The following RIMS2 variants were observed in gnomAD, a reference collection of about 807,000 sequenced individuals.
RIMS2 encodes the protein regulating synaptic membrane exocytosis 2.
RIMS2 carries 59 observed loss-of-function variants against 174.4 expected under a neutral mutation model. That is an observed-to-expected ratio of 0.34 (90% confidence interval 0.27 to 0.42). The LOEUF (loss-of-function observed/expected upper bound fraction) is 0.42, where lower values mean the gene tolerates loss of function less well. RIMS2 is among the 10% of genes least tolerant of loss of function. The probability of loss-of-function intolerance (pLI) is 1.00; values close to 1 mark genes in which losing one functional copy is unlikely to be tolerated. For missense variants in RIMS2, 1,620 were observed against 1,666.3 expected, an observed-to-expected ratio of 0.97 and a Z score of 0.48; for synonymous variants, 606 against 572.5, an observed-to-expected ratio of 1.06 and a Z score of -0.84.
chr8:103,537,192 C>G (rs1397117174), intron 1 of RIMS2, among the ~76,000 whole-genome samples: 1 of 152,132 alleles, frequency 6.6e-6, no homozygotes, highest in African/African-American at 2.4e-5. Flanking sequence ...ATATAAAGCA[C>G]TTGGCTACAT....
At chr8:103,561,790 G>C (rs2091632812) in intron 1 of RIMS2, among the ~76,000 whole-genome samples, 1 of 152,060 alleles carries the variant, frequency 6.6e-6, no homozygotes, top group African/African-American at 2.4e-5. Context: ...TTTTCATTCG[G>C]GTGATAAAGA....
intron 1 of RIMS2, 102 bp from the exon 2 acceptor site, chr8:103,652,103 T>C: frequency 2.3e-6 from 1 of 440,906 alleles, no homozygotes; most frequent in South Asian, 2.2e-5. Flanking sequence ...TCTTTCTATA[T>C]AAAATTCTTA....
intron 1 of RIMS2, among the ~76,000 whole-genome samples, chr8:103,666,225 T>C (rs74869978): frequency 0.065 from 9,946 of 152,252 alleles, 402 homozygotes; most frequent in South Asian, 0.088. Context: ...AGTTGAACAG[T>C]TGGTCACCTG....
chr8:103,857,946 T>C (rs1369858085), intron 3 of RIMS2, among the ~76,000 whole-genome samples: 1 of 152,196 alleles, frequency 6.6e-6, no homozygotes, highest in East Asian at 1.9e-4. Flanking sequence ...TTGACCTTTC[T>C]CCTTCCTAAG....
At chr8:103,812,991 G>T (rs3110468) in intron 3 of RIMS2, among the ~76,000 whole-genome samples, 46,087 of 152,114 alleles carry the variant, frequency 0.3, 8,185 homozygotes, top group East Asian at 0.77. Context: ...CAATTATATA[G>T]ATGGGACTAC....
intron 1 of RIMS2, among the ~76,000 whole-genome samples, chr8:103,539,738 G>GA (rs33942170): frequency 0.18 from 27,698 of 152,136 alleles, 2,773 homozygotes; most frequent in African/African-American, 0.26. Context: ...AGTTGCTTCA[G>GA]AAAAGGAAAT....
At chr8:103,697,614 G>C (rs1482476596) in intron 2 of RIMS2, among the ~76,000 whole-genome samples, 1 of 151,904 alleles carries the variant, frequency 6.6e-6, no homozygotes, top group African/African-American at 2.4e-5. Context: ...TATAGTCCTA[G>C]CTACTCAGGA....
At chr8:103,599,452 T>C (rs1341590428) in intron 1 of RIMS2, among the ~76,000 whole-genome samples, 1 of 149,432 alleles carries the variant, frequency 6.7e-6, no homozygotes, top group Non-Finnish European at 1.5e-5. Flanking sequence ...ATATTTTTTT[T>C]CTTTGAGACA....
rs554850326 is a variant in RIMS2 at position 103,591,178 on chromosome 8, A to G, written c.176+90116A>G. ...GTGACTAAAGATGTTAAGCTTTTCC[A>G]TGTGCTTATTGATCATTCATACATA... On this transcript the variant is annotated intron_variant, in intron 1 of 23. Transcript: ENST00000504942. Among the ~76,000 whole-genome samples the G allele has an allele frequency of 5.3e-5, 8 of 151,168 alleles. No individual in the cohort carries two copies. The East Asian group carries it at 1.5e-3, about 29-fold the overall frequency.
chr8:103,663,667 T>C (rs1214166653), intron 1 of RIMS2, among the ~76,000 whole-genome samples: 2 of 152,166 alleles, frequency 1.3e-5, no homozygotes, highest in African/African-American at 4.8e-5. Context: ...TCCATGCTCA[T>C]GGATAGGAAG....
At chr8:103,872,017 T>A (rs1406043801) in intron 3 of RIMS2, among the ~76,000 whole-genome samples, 1 of 152,218 alleles carries the variant, frequency 6.6e-6, no homozygotes, top group Non-Finnish European at 1.5e-5. Context: ...CTTGCTTAAC[T>A]GTACAGTGGC....
At chr8:103,681,952 T>G (rs1245073419) in intron 1 of RIMS2, among the ~76,000 whole-genome samples, 2 of 151,992 alleles carry the variant, frequency 1.3e-5, no homozygotes, top group Admixed American at 6.6e-5. Context: ...ACATGTAGGA[T>G]GTAAAATTGA....
intron 3 of RIMS2, 145 bp downstream of exon 6, chr8:103,766,682 G>C: frequency 1.6e-6 from 1 of 634,316 alleles, no homozygotes; most frequent in African/African-American, 1.8e-5. Context: ...TACTATATGT[G>C]ATGTTCAGGA....
intron 1 of RIMS2, among the ~76,000 whole-genome samples, chr8:103,550,764 A>T (rs573778796): frequency 1.3e-5 from 2 of 152,354 alleles, no homozygotes; most frequent in South Asian, 4.1e-4. Flanking sequence ...ATAAAAAATG[A>T]TAAAGGGGTT....
intron 1 of RIMS2, among the ~76,000 whole-genome samples, chr8:103,561,697 C>T (rs923794239): frequency 6.6e-6 from 1 of 152,150 alleles, no homozygotes; most frequent in African/African-American, 2.4e-5. Flanking sequence ...TGAGTTAATG[C>T]CTACCTGAAT....
chr8:103,748,154 A>G (rs2097844412), intron 2 of RIMS2, among the ~76,000 whole-genome samples: 1 of 152,070 alleles, frequency 6.6e-6, no homozygotes. Context: ...AAAGTTTTCA[A>G]GAATTAGCGG....
chr8:103,803,392 C>G (rs2098628845), intron 3 of RIMS2, among the ~76,000 whole-genome samples: 2 of 152,006 alleles, frequency 1.3e-5, no homozygotes, highest in South Asian at 4.1e-4. Flanking sequence ...TCTTTACAAT[C>G]TTTAAAATCC....
At position 103,652,257 on chromosome 8, in the gene RIMS2, G is replaced by A. The variant is rs941780835; in HGVS notation, c.177-44829G>A. ...GACACAGTAAGTAAATGTATTAAGA[G>A]TGTAGTAGGCTTGACTTCTGTACTT... is the stretch of plus-strand genomic sequence containing the variant. On this transcript the variant is annotated intron_variant, in intron 1 of 23. Coordinates refer to ENST00000504942, the Ensembl canonical transcript of RIMS2. The A allele has an allele frequency of 3.8e-6, 5 of 1,332,850 alleles. No homozygotes were observed. The highest frequency in any genetic ancestry group is 5.0e-6 in the Non-Finnish European group (5 of 1,005,072). 82.6% of individuals were successfully genotyped at this position (1,332,850 alleles called of 1,614,324 possible).
intron 19 of RIMS2, among the ~76,000 whole-genome samples, chr8:104,123,432 G>T (rs1255187709): frequency 6.6e-6 from 1 of 151,878 alleles, no homozygotes. Context: ...AAACCTTTAA[G>T]TATGAAATTT....
Sources: allele counts gnomAD v4.1 joint callset (sites outside exome capture counted in the v4.1 genomes callset), GRCh38; gene constraint gnomAD v4.1.1; transcripts MANE v1.5; gene names NCBI Gene and HGNC (gene_info 2026-07-23, HGNC 2026-07-21).